The following EYA1 variants were observed in gnomAD, a reference collection of about 807,000 sequenced individuals.
EYA1 encodes the protein EYA transcriptional coactivator and phosphatase 1.
In EYA1, 16 loss-of-function variants were observed where a neutral mutation model predicts 82.0. That is an observed-to-expected ratio of 0.20 (90% CI 0.13 to 0.30). The LOEUF is 0.30. Ranked by LOEUF, EYA1 falls within the 10% of genes least tolerant of loss-of-function variation. The pLI is 1.00. For missense variants in EYA1, 633 were observed against 730.7 expected, an observed-to-expected ratio of 0.87 and a Z score of 1.54; for synonymous variants, 261 against 264.4, an observed-to-expected ratio of 0.99 and a Z score of 0.12.
chr8:71,379,916 T>C (rs182850209), intron 2 of EYA1, among the ~76,000 whole-genome samples: 323 of 152,314 alleles, frequency 2.1e-3, no homozygotes, highest in African/African-American at 7.1e-3. Flanking sequence ...CCCAACCAGA[T>C]AGGGATGTAT....
intron 9 of EYA1, among the ~76,000 whole-genome samples, chr8:71,276,884 TGTAAAACGGGAATAAATGGG>T (rs1817238606): frequency 1.3e-5 from 2 of 152,154 alleles, no homozygotes; most frequent in African/African-American, 4.8e-5. Flanking sequence ...TTTTTTCATT[TGTAAAACGGGAATAAATGGG>T]GTAAAATAAA....
At chr8:71,207,677 T>TAAAC (rs1479886071) in intron 17 of EYA1, among the ~76,000 whole-genome samples, 3 of 152,280 alleles carry the variant, frequency 2.0e-5, no homozygotes, top group Non-Finnish European at 4.4e-5. Context: ...TGTCCAAAGA[T>TAAAC]AAACAGTGGA....
In EYA1 at chr8:71,236,491, T is replaced by C. The variant is rs115828317; in HGVS notation, c.1140+8112A>G. 4.4e-3 allele frequency among the ~76,000 whole-genome samples: 668 copies of C among 152,322 alleles called. 6 individuals carry two copies. The highest frequency in any genetic ancestry group is 0.015 in the African/African-American group (634 of 41,554). Reference sequence around the variant, plus strand: ...TGTCTTAAAACAAGTTTTATGAGGATGTATTTTAATTTATTTCATTTTTAA... The same window carrying C: ...TGTCTTAAAACAAGTTTTATGAGGACGTATTTTAATTTATTTCATTTTTAA... On this transcript the variant is annotated intron_variant, in intron 12 of 17. Transcript: ENST00000340726.
chr8:71,450,177 T>C (rs922912162), intron 2 of EYA1, among the ~76,000 whole-genome samples: 1 of 152,252 alleles, frequency 6.6e-6, no homozygotes, highest in Non-Finnish European at 1.5e-5. Flanking sequence ...CTTCAAGGAC[T>C]TTTCTTTTGA....
chr8:71,322,488 A>G, intron 4 of EYA1: 1 of 556,698 alleles, frequency 1.8e-6, no homozygotes, highest in Non-Finnish European at 3.2e-6. Context: ...CTCTAGTTTT[A>G]AATGAACTCT....
intron 2 of EYA1, chr8:71,403,670 T>C (rs192292972): frequency 6.6e-6 from 1 of 152,334 alleles, no homozygotes; most frequent in East Asian, 1.9e-4. Flanking sequence ...TGCACTGCAC[T>C]TCTTAAAAGA....
chr8:71,478,684 C>T (rs1418455051), intron 2 of EYA1, among the ~76,000 whole-genome samples: 1 of 152,142 alleles, frequency 6.6e-6, no homozygotes, highest in African/African-American at 2.4e-5. Flanking sequence ...GTTCACTGAT[C>T]TAGAGGAAAT....
At chr8:71,268,293 C>A (rs1816113574) in intron 11 of EYA1, among the ~76,000 whole-genome samples, 1 of 152,184 alleles carries the variant, frequency 6.6e-6, no homozygotes, top group Non-Finnish European at 1.5e-5. Context: ...GAGTTACAGG[C>A]ACCAGTGGTC....
At chr8:71,315,431 C>T (rs906497009) in intron 7 of EYA1, among the ~76,000 whole-genome samples, 1 of 152,186 alleles carries the variant, frequency 6.6e-6, no homozygotes, top group Admixed American at 6.5e-5. Context: ...CTTCACTTGC[C>T]TCTTTCCCAC....
intron 6 of EYA1, 22 bp from the exon 7 acceptor site, chr8:71,317,711 T>C: frequency 6.2e-7 from 1 of 1,612,974 alleles, no homozygotes; most frequent in South Asian, 1.1e-5. Flanking sequence ...AGTGATAGCT[T>C]ATCTATCTGT....
chr8:71,496,163 T>C (rs1306784382), intron 2 of EYA1, among the ~76,000 whole-genome samples: 1 of 152,158 alleles, frequency 6.6e-6, no homozygotes, highest in African/African-American at 2.4e-5. Flanking sequence ...AATTGAAAAA[T>C]GTAGAGGCAA....
chr8:71,383,747 G>T (rs1828835168), intron 2 of EYA1, among the ~76,000 whole-genome samples: 1 of 152,104 alleles, frequency 6.6e-6, no homozygotes, highest in South Asian at 2.1e-4. Flanking sequence ...GTCTGGAGAA[G>T]TAAGGAGAGT....
chr8:71,534,172 G>C (rs1165046484), intron 2 of EYA1, among the ~76,000 whole-genome samples: 1 of 152,184 alleles, frequency 6.6e-6, no homozygotes, highest in Non-Finnish European at 1.5e-5. Flanking sequence ...CCTCCATCTA[G>C]GGAGCAGAGT....
chr8:71,280,158 T>C (rs1817655561), intron 9 of EYA1, among the ~76,000 whole-genome samples: 1 of 152,194 alleles, frequency 6.6e-6, no homozygotes, highest in African/African-American at 2.4e-5. Flanking sequence ...ACCAGGCTCT[T>C]TGTAGTCAGC....
intron 2 of EYA1, among the ~76,000 whole-genome samples, chr8:71,511,501 G>T (rs1209886235): frequency 6.6e-6 from 1 of 152,174 alleles, no homozygotes; most frequent in East Asian, 1.9e-4. Flanking sequence ...GTTTAGTTTT[G>T]TGTTGGAGTA....
intron 2 of EYA1, among the ~76,000 whole-genome samples, chr8:71,486,805 G>A (rs1268995318): frequency 6.6e-6 from 1 of 151,968 alleles, no homozygotes; most frequent in Non-Finnish European, 1.5e-5. Flanking sequence ...TCAGGGTCAT[G>A]CTGAAAGAAA....
chr8:71,485,858 T>G (rs2129218075), intron 2 of EYA1, among the ~76,000 whole-genome samples: 1 of 152,318 alleles, frequency 6.6e-6, no homozygotes, highest in Middle Eastern at 3.4e-3. Context: ...GATGGCATTT[T>G]TTATGAGTTT....
intron 2 of EYA1, among the ~76,000 whole-genome samples, chr8:71,374,545 T>C (rs1378446224): frequency 6.6e-6 from 1 of 152,156 alleles, no homozygotes; most frequent in African/African-American, 2.4e-5. Context: ...AGAATGTAAT[T>C]GGTACAGCTA....
At chr8:71,491,584 T>G (rs1811001043) in intron 2 of EYA1, among the ~76,000 whole-genome samples, 1 of 152,168 alleles carries the variant, frequency 6.6e-6, no homozygotes, top group Non-Finnish European at 1.5e-5. Context: ...CAGACAACCA[T>G]GTGAAGACAC....
Sources: gnomAD v4.1 joint callset for allele counts (sites outside exome capture counted in the v4.1 genomes callset) on GRCh38, gnomAD v4.1.1 for gene constraint, MANE v1.5 for transcripts, NCBI Gene and HGNC (gene_info 2026-07-23, HGNC 2026-07-21) for gene names.